DCLRE1A: variants seen among roughly 807,000 people sequenced by gnomAD.
The protein encoded by DCLRE1A is DNA cross-link repair 1A protein.
DCLRE1A carries 64 observed loss-of-function variants against 91.9 expected under a neutral mutation model. The observed-to-expected ratio is 0.70, with a 90% CI of 0.57 to 0.86. DCLRE1A has a LOEUF of 0.86. Among genes scored for constraint, DCLRE1A ranks in the 40% least tolerant of loss-of-function variants. The pLI, the probability that DCLRE1A is intolerant of heterozygous loss-of-function variation, is 0.00. For synonymous variants in DCLRE1A, 416 were observed against 431.1 expected, an observed-to-expected ratio of 0.96 and a Z score of 0.43; for missense variants, 1,145 against 1,213.3, an observed-to-expected ratio of 0.94 and a Z score of 0.84.
At chr10:113,843,999 G>C in intron 5 of DCLRE1A, 105 bp downstream of exon 5, 1 of 1,463,890 alleles carries the variant, frequency 6.8e-7, no homozygotes, top group East Asian at 2.3e-5. Context: ...CTGATAAAGA[G>C]CCTTAAAATA....
chr10:113,841,602 T>C, intron 6 of DCLRE1A, 42 bp from the exon 7 acceptor site: 1 of 1,543,572 alleles, frequency 6.5e-7, no homozygotes, highest in Non-Finnish European at 8.7e-7. Context: ...AACTTACAGC[T>C]TGTGAAAAAA....
Position 113,849,291 on chromosome 10 carries a change from T to C in DCLRE1A, c.1814A>G (p.Lys605Arg), listed in dbSNP as rs767096421. 3 of 1,614,038 alleles carry C rather than the reference T, an allele frequency of 1.9e-6. No homozygotes were observed. In the African/African-American group the frequency reaches 4.0e-5, roughly 22 times the overall value. ...RSSQCKRKAE[K>R]SLSDLEFDAS... is the part of the protein sequence containing the mutation. ...ATCAAATTCTAAATCACTTAAAGAT[T>C]TTTCTGCTTTCCTCTTGCACTGCGA... The change falls in exon 2 of 9, where the codon AAA (lysine) becomes AGA (arginine). Residue 605 changes from lysine (K) to arginine (R), a missense_variant. By Grantham distance (26) the Lys-to-Arg change is conservative. Transcript: ENST00000361384.
chr10:113,840,605 C>T (rs781142181), intron 7 of DCLRE1A, among the ~76,000 whole-genome samples: 1 of 152,192 alleles, frequency 6.6e-6, no homozygotes, highest in Non-Finnish European at 1.5e-5. Context: ...TGATGGCTAA[C>T]AGACAAGCAA....
At position 113,837,079 on chromosome 10, in the gene DCLRE1A, C is replaced by T. The variant is rs749184512; in HGVS notation, c.2945G>A (p.Gly982Glu). 3 of 1,606,480 alleles carry T rather than the reference C, an allele frequency of 1.9e-6. No homozygotes were observed. The South Asian group carries it at 3.4e-5, about 18-fold the overall frequency. ...AACTATACCATATATTGAAATGTTT[C>T]CTTTGGTCTGGGGAATAACATCTGC... ...RIADVIPQTK[G>E]NISIYGIPYS... The change falls in exon 8 of 9, where the codon GGA (glycine) becomes GAA (glutamate). Residue 982 changes from glycine to glutamate, a missense_variant. Transcript: ENST00000361384.
Position 113,844,171 on chromosome 10 carries a change from C to A in DCLRE1A, c.2452G>T (p.Ala818Ser). 1 of 1,614,178 alleles carries A rather than the reference C, an allele frequency of 6.2e-7. No individual in the cohort carries two copies. ...TVILHTGDFR[A>S]DPSMERSLLA... ...AGAGAACGTTCCATGCTGGGATCTGCTCTGAAGTCTCCCGTGTGTAATATG... is the reference window on the plus strand; with the variant it reads ...AGAGAACGTTCCATGCTGGGATCTGATCTGAAGTCTCCCGTGTGTAATATG... The change falls in exon 5 of 9, where the codon GCA (alanine) becomes TCA (serine). Residue 818 changes from alanine (A) to serine (S), a missense_variant. Transcript: ENST00000361384.
rs1187819139 is a variant in DCLRE1A at position 113,853,772 on chromosome 10, CACG to C, written c.-593_-591del. On this transcript the variant is annotated 5_prime_UTR_variant, in exon 1 of 9. Coordinates refer to ENST00000361384, the MANE Select transcript of DCLRE1A (RefSeq NM_014881.5). ...AAACTGCGAAGTCACTGCCCTCATCCACGACTAGTGGATACTCAACCACTTCAG... is the reference window on the plus strand; with the variant it reads ...AAACTGCGAAGTCACTGCCCTCATCCACTAGTGGATACTCAACCACTTCAG... 1 of 152,440 alleles carries C rather than the reference CACG, an allele frequency of 6.6e-6. No homozygotes were observed. The highest frequency in any genetic ancestry group is 1.5e-5 in the Non-Finnish European group (1 of 68,222). The allele number at this position is 152,440 out of a possible 1,614,324, so 9.4% of individuals were successfully genotyped here.
At position 113,850,168 on chromosome 10, in the gene DCLRE1A, C is replaced by A; in HGVS notation, c.937G>T (p.Asp313Tyr). The A allele has an allele frequency of 6.2e-7, 1 of 1,614,032 alleles. No individual in the cohort carries two copies. The highest frequency in any genetic ancestry group is 8.5e-7 in the Non-Finnish European group (1 of 1,180,006). Reference sequence around the variant, plus strand: ...TCTTGTGAATCATCCGGTTTTTCATCGATATCATGAGTGTCTTCATCACTT... The same window carrying A: ...TCTTGTGAATCATCCGGTTTTTCATAGATATCATGAGTGTCTTCATCACTT... ...LQSDEDTHDIDEKPDDSQEQL... is the reference protein window; with the variant it reads ...LQSDEDTHDIYEKPDDSQEQL... Residue 313 changes from aspartate (D) to tyrosine (Y), a missense_variant, in exon 2 of 9, where the codon GAT (aspartate) becomes TAT (tyrosine). Transcript: ENST00000361384.
In DCLRE1A at chr10:113,842,422, G is replaced by T; in HGVS notation, c.2586C>A (p.Ala862=). ...GTGGGTTTAGAGTTACAGCCTCAAA[G>T]GCAGTGTTGATGGCAAACCGGATAA... ...QEVIRFAINT[A]FEAVTLNPHA... Residue 862 remains alanine, a synonymous_variant, in exon 6 of 9, where the codon GCC becomes GCA. Coordinates refer to ENST00000361384, the MANE Select transcript of DCLRE1A (RefSeq NM_014881.5). 6.2e-7 allele frequency: 1 copy of T among 1,613,900 alleles called. No individual in the cohort carries two copies. The highest frequency in any genetic ancestry group is 8.5e-7 in the Non-Finnish European group (1 of 1,179,842).
Position 113,850,360 on chromosome 10 carries a change from A to G in DCLRE1A, c.745T>C (p.Ser249Pro). The change falls in exon 2 of 9, where the codon TCT becomes CCT. Residue 249 changes from serine to proline, a missense_variant. By Grantham distance (74) the Ser-to-Pro change is moderately conservative. Coordinates refer to ENST00000361384, the MANE Select transcript of DCLRE1A (RefSeq NM_014881.5). Reference sequence around the variant, plus strand: ...TGTTGGGATGTTTGGATATGAGTAGAAATCTTTTCACTGGCTTCAGTCAGA... The same window carrying G: ...TGTTGGGATGTTTGGATATGAGTAGGAATCTTTTCACTGGCTTCAGTCAGA... Reference protein sequence around the residue: ...PSLTEASEKISTHIQTSQQAL... With the variant: ...PSLTEASEKIPTHIQTSQQAL... The G allele has an allele frequency of 6.2e-7, 1 of 1,614,226 alleles. No homozygotes were observed. The highest frequency in any genetic ancestry group is 8.5e-7 in the Non-Finnish European group (1 of 1,180,042).
intron 1 of DCLRE1A, 88 bp downstream of exon 1, chr10:113,852,635 G>T: frequency 1.5e-6 from 2 of 1,292,194 alleles, no homozygotes; most frequent in Non-Finnish European, 1.1e-6. Flanking sequence ...GTTACTGCTT[G>T]CCTTCCTTGT....
Position 113,845,766 on chromosome 10 carries a change from T to C in DCLRE1A, c.2297A>G (p.Gln766Arg). The C allele has an allele frequency of 6.2e-7, 1 of 1,614,186 alleles. No individual in the cohort carries two copies. Among genetic ancestry groups the C allele is most frequent in the Non-Finnish European group, 8.5e-7 (1 of 1,180,016 alleles). Residue 766 changes from glutamine to arginine, a missense_variant, in exon 4 of 9, where the codon CAA becomes CGA. Coordinates refer to ENST00000361384, the MANE Select transcript of DCLRE1A (RefSeq NM_014881.5). ...TGGCAATGGGTGAATATATTGTTCT[T>C]GCACATGAAGCTTGTTCTTCAACAA... ...GNLLKNKLHV[Q>R]EQYIHPLPLD...
chr10:113,840,710 T>G (rs1418402397), intron 7 of DCLRE1A, among the ~76,000 whole-genome samples: 2 of 152,236 alleles, frequency 1.3e-5, no homozygotes, highest in Non-Finnish European at 2.9e-5. Context: ...TCATTCTTTT[T>G]ATTTCATAAA....
At chr10:113,837,874 T>C (rs1252446318) in intron 7 of DCLRE1A, among the ~76,000 whole-genome samples, 1 of 152,122 alleles carries the variant, frequency 6.6e-6, no homozygotes, top group Non-Finnish European at 1.5e-5. Context: ...ATGACTGAAG[T>C]TCAGTCTTCG....
intron 4 of DCLRE1A, among the ~76,000 whole-genome samples, chr10:113,845,071 TTCTC>T (rs1408583661): frequency 6.6e-6 from 1 of 152,194 alleles, no homozygotes; most frequent in African/African-American, 2.4e-5. Flanking sequence ...TTAGTCTTCT[TTCTC>T]TTCATCTATG....
chr10:113,841,233 T>C (rs1424866583), intron 7 of DCLRE1A, among the ~76,000 whole-genome samples, 173 bp downstream of exon 7: 1 of 152,182 alleles, frequency 6.6e-6, no homozygotes, highest in African/African-American at 2.4e-5. Context: ...CTCTACAGAG[T>C]TGCACATCTA....
Position 113,850,362 on chromosome 10 carries a change from A to C in DCLRE1A, c.743T>G (p.Ile248Ser). The part of the protein sequence containing the change: ...SPSLTEASEK[I>S]STHIQTSQQA... The stretch of plus-strand genomic sequence containing the variant: ...TTGGGATGTTTGGATATGAGTAGAA[A>C]TCTTTTCACTGGCTTCAGTCAGAGA... The change falls in exon 2 of 9, where the codon ATT becomes AGT. Residue 248 changes from isoleucine (I) to serine (S), a missense_variant. Ile to Ser is a moderately radical substitution (Grantham distance 142). Transcript: ENST00000361384. 1 of 1,614,224 alleles carries C rather than the reference A, an allele frequency of 6.2e-7. No homozygotes were observed. The highest frequency in any genetic ancestry group is 8.5e-7 in the Non-Finnish European group (1 of 1,180,046).
At chr10:113,841,798 A>C (rs10509990) in intron 6 of DCLRE1A, among the ~76,000 whole-genome samples, 16,735 of 152,216 alleles carry the variant, frequency 0.11, 1,017 homozygotes, top group East Asian at 0.21. Context: ...TAAAAACTGC[A>C]AAAGTGTATA....
At position 113,852,840 on chromosome 10, in the gene DCLRE1A, G is replaced by T; in HGVS notation, c.343C>A (p.Arg115Ser). The change falls in exon 1 of 9, where the codon CGT becomes AGT. Residue 115 changes from arginine to serine, a missense_variant. Coordinates refer to ENST00000361384, the MANE Select transcript of DCLRE1A (RefSeq NM_014881.5). ...QKSQHVSPKIRPVYDGYCPNC... is the reference protein window; with the variant it reads ...QKSQHVSPKISPVYDGYCPNC... Reference sequence around the variant, plus strand: ...GGACAGTATCCATCATAAACTGGACGTATCTTTGGGGACACGTGTTGGCTT... The same window carrying T: ...GGACAGTATCCATCATAAACTGGACTTATCTTTGGGGACACGTGTTGGCTT... 6.2e-7 allele frequency: 1 copy of T among 1,614,172 alleles called. No homozygotes were observed. The highest frequency in any genetic ancestry group is 1.3e-5 in the African/African-American group (1 of 75,036).
intron 5 of DCLRE1A, among the ~76,000 whole-genome samples, chr10:113,843,658 T>A (rs1448331445): frequency 6.6e-6 from 1 of 152,272 alleles, no homozygotes; most frequent in Non-Finnish European, 1.5e-5. Flanking sequence ...ATTATATTTA[T>A]AGCACTCAGG....
Sources: gnomAD v4.1 joint callset for allele counts (sites outside exome capture counted in the v4.1 genomes callset) on GRCh38, gnomAD v4.1.1 for gene constraint, MANE v1.5 for transcripts, NCBI Gene and HGNC (gene_info 2026-07-23, HGNC 2026-07-21) for gene names.